The following SELENOI variants were observed in gnomAD, a reference collection of about 807,000 sequenced individuals.
SELENOI encodes selenoprotein I.
A neutral mutation model predicts 50.7 loss-of-function variants in SELENOI; 24 were observed. The ratio of observed to expected loss-of-function variants is 0.47; its 90% CI spans 0.34 to 0.67. The LOEUF (loss-of-function observed/expected upper bound fraction) is 0.67, where lower values mean the gene tolerates loss of function less well. Among genes scored for constraint, SELENOI ranks in the 30% least tolerant of loss-of-function variants. The pLI is 0.01. For missense variants in SELENOI, 352 were observed against 461.4 expected (o/e 0.76, Z 2.17); for synonymous variants, 155 against 170.2 (o/e 0.91, Z 0.70).
At chr2:26,348,994 GGCTTT>G (rs1676887149) in intron 1 of SELENOI, among the ~76,000 whole-genome samples, 1 of 105,670 alleles carries the variant, frequency 9.5e-6, no homozygotes, top group Admixed American at 1.0e-4. Flanking sequence ...GTTTTGGACA[GGCTTT>G]TTTTTTTTTT....
At chr2:26,350,923 A>C (rs1215595663) in intron 1 of SELENOI, among the ~76,000 whole-genome samples, 1 of 152,214 alleles carries the variant, frequency 6.6e-6, no homozygotes, top group East Asian at 1.9e-4. Context: ...CATTTAATAC[A>C]CTTAACCTAC....
At chr2:26,370,421 C>T (rs1475984926) in intron 4 of SELENOI, among the ~76,000 whole-genome samples, 1 of 151,800 alleles carries the variant, frequency 6.6e-6, no homozygotes, top group African/African-American at 2.4e-5. Flanking sequence ...CTCCTCACTT[C>T]CCAGTAGGGG....
chr2:26,355,741 CT>C (rs36102109), intron 1 of SELENOI, among the ~76,000 whole-genome samples: 227 of 149,168 alleles, frequency 1.5e-3, no homozygotes, highest in South Asian at 1.7e-3. Flanking sequence ...CTCTCTCTCT[CT>C]CCCTTTTTTT....
At chr2:26,366,395 A>G (rs939144845) in intron 3 of SELENOI, among the ~76,000 whole-genome samples, 2 of 152,096 alleles carry the variant, frequency 1.3e-5, no homozygotes, top group African/African-American at 2.4e-5. Flanking sequence ...TAGAAATACT[A>G]TTTTCTTTGA....
At chr2:26,353,638 T>G (rs1364763802) in intron 1 of SELENOI, among the ~76,000 whole-genome samples, 3 of 152,182 alleles carry the variant, frequency 2.0e-5, no homozygotes, top group African/African-American at 7.2e-5. Context: ...TCTTAGATAG[T>G]GATTTATATA....
At chr2:26,387,012 G>A (rs1278827889) in intron 9 of SELENOI, among the ~76,000 whole-genome samples, 1 of 152,204 alleles carries the variant, frequency 6.6e-6, no homozygotes, top group Non-Finnish European at 1.5e-5. Flanking sequence ...TTGCTAAGCA[G>A]TTGTGGTGAG....
chr2:26,370,779 C>T (rs868286507), intron 4 of SELENOI, among the ~76,000 whole-genome samples: 319 of 129,766 alleles, frequency 2.5e-3, no homozygotes, highest in African/African-American at 8.5e-3. Context: ...GGCGGCTGGC[C>T]GGGCAGAGGG....
At chr2:26,379,914 G>T (rs1235753637) in intron 6 of SELENOI, among the ~76,000 whole-genome samples, 2 of 152,126 alleles carry the variant, frequency 1.3e-5, no homozygotes, top group Non-Finnish European at 1.5e-5. Context: ...ATTCACAACA[G>T]TCTCCGAATA....
chr2:26,367,864 G>A (rs1677318099), intron 4 of SELENOI, among the ~76,000 whole-genome samples: 1 of 152,114 alleles, frequency 6.6e-6, no homozygotes, highest in African/African-American at 2.4e-5. Context: ...GGCTTGTCCT[G>A]CATTCTTCTC....
intron 6 of SELENOI, among the ~76,000 whole-genome samples, chr2:26,379,288 C>A (rs1677633100): frequency 6.6e-6 from 1 of 152,122 alleles, no homozygotes; most frequent in African/African-American, 2.4e-5. Flanking sequence ...TAAAAAATTT[C>A]TTTTAATCTA....
At chr2:26,370,828 G>C (rs1677411919) in intron 4 of SELENOI, among the ~76,000 whole-genome samples, 1 of 134,292 alleles carries the variant, frequency 7.4e-6, no homozygotes, top group African/African-American at 2.8e-5. Flanking sequence ...GCCGGGCGGG[G>C]GGCTGACACC....
intron 3 of SELENOI, among the ~76,000 whole-genome samples, chr2:26,365,791 A>G (rs1294808874): frequency 7.4e-6 from 1 of 134,700 alleles, no homozygotes; most frequent in South Asian, 2.4e-4. Context: ...TCAAACACTT[A>G]AGACTTTTTT....
At chr2:26,383,415 G>C (rs1677751096) in intron 7 of SELENOI, 68 bp downstream of exon 7, 1 of 1,137,864 alleles carries the variant, frequency 8.8e-7, no homozygotes, top group Non-Finnish European at 1.2e-6. Context: ...CTGAACTTAG[G>C]GATCTATTTT....
chr2:26,385,453 A>G (rs1385673817), intron 8 of SELENOI, among the ~76,000 whole-genome samples: 1 of 152,242 alleles, frequency 6.6e-6, no homozygotes, highest in Non-Finnish European at 1.5e-5. Flanking sequence ...ATATATTACC[A>G]GTATGGCTAA....
chr2:26,374,105 A>G (rs987134310), intron 5 of SELENOI, among the ~76,000 whole-genome samples: 6 of 152,180 alleles, frequency 3.9e-5, no homozygotes, highest in Admixed American at 2.0e-4. Flanking sequence ...ATACTTCGCT[A>G]TATATCTCTA....
chr2:26,388,924 C>A, intron 9 of SELENOI, 81 bp from the exon 10 acceptor site: 1 of 1,085,982 alleles, frequency 9.2e-7, no homozygotes, highest in Non-Finnish European at 1.4e-6. Context: ...AAATTGTTAT[C>A]TCTAGGGGGT....
intron 1 of SELENOI, among the ~76,000 whole-genome samples, chr2:26,362,440 T>A (rs1169314382): frequency 6.6e-6 from 1 of 152,226 alleles, no homozygotes; most frequent in African/African-American, 2.4e-5. Context: ...ACTTATTTTG[T>A]ATACATACTG....
chr2:26,363,652 A>G (rs555562238), intron 1 of SELENOI, among the ~76,000 whole-genome samples: 2 of 152,320 alleles, frequency 1.3e-5, no homozygotes, highest in African/African-American at 2.4e-5. Context: ...GACTTCCCCT[A>G]TGATAATATC....
intron 1 of SELENOI, among the ~76,000 whole-genome samples, chr2:26,361,663 T>G (rs180804960): frequency 6.6e-6 from 1 of 152,030 alleles, no homozygotes; most frequent in Admixed American, 6.6e-5. Context: ...ATTTCTTTTT[T>G]TTTTTTTTGA....
Sources: gnomAD v4.1 joint callset for allele counts (sites outside exome capture counted in the v4.1 genomes callset) on GRCh38, gnomAD v4.1.1 for gene constraint, MANE v1.5 for transcripts, NCBI Gene and HGNC (gene_info 2026-07-23, HGNC 2026-07-21) for gene names.